The following CLIC5 variants were observed in gnomAD, a reference collection of about 807,000 sequenced individuals.
CLIC5 encodes the protein chloride intracellular channel protein 5.
CLIC5 carries 20 observed loss-of-function variants against 24.7 expected under a neutral mutation model. That is an observed-to-expected ratio of 0.81 (90% CI 0.57 to 1.18). CLIC5 has a LOEUF of 1.18. CLIC5 is among the 50% of genes most tolerant of loss of function. CLIC5 has a pLI of 0.00. For synonymous variants in CLIC5, 159 were observed against 135.6 expected (o/e 1.17, Z -1.20); for missense variants, 341 against 326.1 (o/e 1.05, Z -0.35).
intron 1 of CLIC5, among the ~76,000 whole-genome samples, chr6:46,064,276 C>T (rs753544007): frequency 2.0e-5 from 3 of 152,044 alleles, no homozygotes; most frequent in Non-Finnish European, 4.4e-5. Flanking sequence ...CTATTAAATT[C>T]ACTGAATTTG....
chr6:46,047,093 T>C (rs957547703), intron 1 of CLIC5, among the ~76,000 whole-genome samples: 4 of 152,254 alleles, frequency 2.6e-5, no homozygotes, highest in Admixed American at 2.6e-4. Context: ...GAGCTGCAAC[T>C]GGTTAAGACC....
intron 1 of CLIC5, among the ~76,000 whole-genome samples, chr6:45,955,806 G>T (rs1764623383): frequency 6.6e-6 from 1 of 151,510 alleles, no homozygotes; most frequent in African/African-American, 2.4e-5. Context: ...CCTATATGGA[G>T]GCTAATCAGG....
intron 1 of CLIC5, among the ~76,000 whole-genome samples, chr6:46,070,090 T>C (rs1163967412): frequency 6.6e-6 from 1 of 152,104 alleles, no homozygotes; most frequent in Non-Finnish European, 1.5e-5. Flanking sequence ...ATAAGAGCCA[T>C]CTGTGACAAG....
the CLIC5 span, among the ~76,000 whole-genome samples, chr6:46,094,983 A>T: frequency 6.6e-6 from 1 of 152,086 alleles, no homozygotes; most frequent in African/African-American, 2.4e-5. Flanking sequence ...CAACTTTTGC[A>T]CTCTGTGCAC....
At chr6:45,942,971 C>T (rs1463751914) in intron 3 of CLIC5, among the ~76,000 whole-genome samples, 1 of 152,234 alleles carries the variant, frequency 6.6e-6, no homozygotes, top group Non-Finnish European at 1.5e-5. Context: ...ACAGCAGTGT[C>T]CTTCCCCCTC....
chr6:46,075,643 A>T (rs1412171011), intron 1 of CLIC5, among the ~76,000 whole-genome samples: 1 of 152,198 alleles, frequency 6.6e-6, no homozygotes, highest in Non-Finnish European at 1.5e-5. Flanking sequence ...ATAATAAATG[A>T]CATAAATTAT....
chr6:45,970,227 T>C (rs907455424), intron 1 of CLIC5, among the ~76,000 whole-genome samples: 2 of 152,202 alleles, frequency 1.3e-5, no homozygotes, highest in African/African-American at 4.8e-5. Context: ...CTATAGAACT[T>C]ACAGTGAAGA....
chr6:46,042,876 CCTT>C (rs1767846566), intron 1 of CLIC5, among the ~76,000 whole-genome samples: 1 of 152,188 alleles, frequency 6.6e-6, no homozygotes, highest in Non-Finnish European at 1.5e-5. Context: ...GACACTCAGA[CCTT>C]CTGTGCTCTA....
At chr6:46,009,790 C>T (rs1396714615) in intron 1 of CLIC5, among the ~76,000 whole-genome samples, 2 of 152,178 alleles carry the variant, frequency 1.3e-5, no homozygotes, top group African/African-American at 4.8e-5. Flanking sequence ...CCTGGCCTGG[C>T]TACCAGGAGC....
intron 1 of CLIC5, among the ~76,000 whole-genome samples, chr6:46,044,762 T>A (rs182184768): frequency 1.3e-5 from 2 of 152,328 alleles, no homozygotes; most frequent in African/African-American, 4.8e-5. Context: ...CAGCTACTTG[T>A]AGGATTATAA....
chr6:45,989,921 C>T lies in CLIC5; in HGVS notation c.63+25559G>A, dbSNP rs530984395. ...GGGATTCATCTCACATCCATGCACTCTCTCCAGCGACGTCTCCATCCATAT... is the reference window on the plus strand; with the variant it reads ...GGGATTCATCTCACATCCATGCACTTTCTCCAGCGACGTCTCCATCCATAT... On this transcript the variant is annotated intron_variant, in intron 1 of 5. Transcript: ENST00000339561. Among the ~76,000 whole-genome samples, 12 of 152,276 alleles carry T rather than the reference C, an allele frequency of 7.9e-5. No homozygotes were observed. In the East Asian group the frequency reaches 1.7e-3, roughly 22 times the overall value.
chr6:45,945,423 A>G (rs1764258509), intron 3 of CLIC5, among the ~76,000 whole-genome samples: 1 of 152,084 alleles, frequency 6.6e-6, no homozygotes, highest in South Asian at 2.1e-4. Context: ...ATGGCATAGG[A>G]AGGAAAGTAA....
intron 1 of CLIC5, among the ~76,000 whole-genome samples, chr6:45,968,238 C>G (rs879840824): frequency 5.9e-5 from 9 of 152,180 alleles, no homozygotes; most frequent in Admixed American, 5.9e-4. Flanking sequence ...TGCCTCTCCC[C>G]ACTTGTATCT....
At chr6:46,056,330 C>T (rs1184538991) in intron 1 of CLIC5, among the ~76,000 whole-genome samples, 1 of 152,080 alleles carries the variant, frequency 6.6e-6, no homozygotes, top group African/African-American at 2.4e-5. Context: ...GGAAAAAGTT[C>T]CCCTTCTGGA....
intron 1 of CLIC5, among the ~76,000 whole-genome samples, chr6:46,002,319 C>T (rs1025167228): frequency 3.9e-5 from 6 of 152,104 alleles, no homozygotes; most frequent in East Asian, 3.8e-4. Flanking sequence ...GAAGAAGAGC[C>T]GACTGGAATA....
At chr6:46,014,270 A>T (rs1440934647) in intron 1 of CLIC5, 1 of 152,222 alleles carries the variant, frequency 6.6e-6, no homozygotes, top group Non-Finnish European at 1.5e-5. Context: ...GTCAGAAAGT[A>T]CCAAAGACCA....
chr6:46,074,721 A>T (rs936404177), intron 1 of CLIC5, among the ~76,000 whole-genome samples: 1 of 152,232 alleles, frequency 6.6e-6, no homozygotes, highest in Non-Finnish European at 1.5e-5. Flanking sequence ...TAGAAACCAT[A>T]GTCAGTGTTG....
At chr6:46,097,966 C>T in the CLIC5 span, among the ~76,000 whole-genome samples, 1 of 152,112 alleles carries the variant, frequency 6.6e-6, no homozygotes, top group Non-Finnish European at 1.5e-5. Flanking sequence ...TCAAAGCTGG[C>T]TTCATATTAG....
chr6:45,946,140 T>C lies in CLIC5; in HGVS notation c.299+3116A>G, dbSNP rs150122067. Among the ~76,000 whole-genome samples, 38 of 152,344 alleles carry C rather than the reference T, an allele frequency of 2.5e-4. 1 individual carries two copies. Among genetic ancestry groups the C allele is most frequent in the African/African-American group, 9.1e-4 (38 of 41,578 alleles). Reference sequence around the variant, plus strand: ...CGGGAGAGAGGCTTGTCCAAGGTCATATGACAAACACTCATAGAGAGGTGG... The same window carrying C: ...CGGGAGAGAGGCTTGTCCAAGGTCACATGACAAACACTCATAGAGAGGTGG... On this transcript the variant is annotated intron_variant, in intron 3 of 5. Transcript: ENST00000339561.
Sources: allele counts gnomAD v4.1 joint callset (sites outside exome capture counted in the v4.1 genomes callset), GRCh38; gene constraint gnomAD v4.1.1; transcripts MANE v1.5; gene names NCBI Gene and HGNC (gene_info 2026-07-23, HGNC 2026-07-21).